Variants in MIR2052HG observed in about 807,000 individuals in gnomAD.
MIR2052HG encodes MIR2052 host gene.
chr8:74,646,345 G>C (rs1808689792), intron 2 of MIR2052HG, among the ~76,000 whole-genome samples: 1 of 152,158 alleles, frequency 6.6e-6, no homozygotes, highest in African/African-American at 2.4e-5. Context: ...TATGAAAGTA[G>C]AGAAAACAGG....
chr8:74,645,307 C>T (rs1292968995), intron 2 of MIR2052HG, among the ~76,000 whole-genome samples: 2 of 148,762 alleles, frequency 1.3e-5, no homozygotes, highest in Non-Finnish European at 3.0e-5. Flanking sequence ...TTTTTTGAGA[C>T]GGAGTTTTGC....
chr8:74,622,423 G>A (rs986624125), intron 2 of MIR2052HG, among the ~76,000 whole-genome samples: 1 of 152,096 alleles, frequency 6.6e-6, no homozygotes, highest in Non-Finnish European at 1.5e-5. Flanking sequence ...GGCCAACATG[G>A]CAAAACCCTG....
chr8:74,708,915 T>C (rs537395655), intron 4 of MIR2052HG, among the ~76,000 whole-genome samples: 15 of 152,162 alleles, frequency 9.9e-5, no homozygotes, highest in African/African-American at 3.6e-4. Flanking sequence ...AGATAGAAAA[T>C]GAGTCCCGCT....
intron 2 of MIR2052HG, among the ~76,000 whole-genome samples, chr8:74,690,368 A>C (rs1346546971): frequency 3.9e-5 from 6 of 152,220 alleles, no homozygotes; most frequent in African/African-American, 1.4e-4. Context: ...TTGAGGAAAC[A>C]GTGTGAGCTA....
At chr8:74,746,818 G>GT (rs1809892605) in intron 4 of MIR2052HG, among the ~76,000 whole-genome samples, 2 of 152,026 alleles carry the variant, frequency 1.3e-5, no homozygotes, top group Non-Finnish European at 2.9e-5. Context: ...ATTGAAAAAG[G>GT]TAACAGTATG....
chr8:74,679,788 C>G (rs1300221688), intron 2 of MIR2052HG, among the ~76,000 whole-genome samples: 1 of 151,928 alleles, frequency 6.6e-6, no homozygotes, highest in African/African-American at 2.4e-5. Context: ...GTGATCCACC[C>G]ATCTTGGCCT....
intron 2 of MIR2052HG, among the ~76,000 whole-genome samples, chr8:74,672,368 A>G (rs1427619220): frequency 1.3e-5 from 2 of 152,076 alleles, no homozygotes; most frequent in Non-Finnish European, 2.9e-5. Context: ...GGTGAATCAT[A>G]GCATAATATT....
intron 1 of MIR2052HG, chr8:74,603,490 A>G: frequency 1.3e-6 from 2 of 1,589,234 alleles, no homozygotes; most frequent in South Asian, 1.1e-5. Flanking sequence ...TATGCAGCCA[A>G]TCAAATCGTT....
intron 2 of MIR2052HG, among the ~76,000 whole-genome samples, chr8:74,685,451 G>A (rs1382319268): frequency 6.6e-6 from 1 of 152,054 alleles, no homozygotes; most frequent in Admixed American, 6.6e-5. Context: ...TTGGCTTCTT[G>A]TAATTTTCCT....
rs542458635 is a variant in MIR2052HG at position 74,657,070 on chromosome 8, G to A, written n.216+44130G>A. 2.0e-4 allele frequency among the ~76,000 whole-genome samples: 31 copies of A among 152,266 alleles called. 1 individual carries two copies. In the South Asian group the frequency reaches 2.9e-3, roughly 14 times the overall value. ...TGCAAAGATGCAAGTCTGCAAACTC[G>A]TACAAACACTGCAGCATACAGGGAG... On this transcript the variant is annotated intron_variant and non_coding_transcript_variant, in intron 2 of 6. Transcript: ENST00000523442.
intron 4 of MIR2052HG, among the ~76,000 whole-genome samples, chr8:74,708,603 A>G (rs1238452269): frequency 6.6e-6 from 1 of 152,110 alleles, no homozygotes; most frequent in Non-Finnish European, 1.5e-5. Context: ...GTTAAATGAA[A>G]GCATATTTCA....
rs182475600 is a variant in MIR2052HG at position 74,607,185 on chromosome 8, T to C, written n.129-5668T>C. On this transcript the variant is annotated intron_variant and non_coding_transcript_variant, in intron 1 of 6. Coordinates refer to ENST00000523442, the Ensembl canonical transcript of MIR2052HG. ...GAAAGCTGGAGTGGCTATATTAATA[T>C]CAAAGAAAGTAGATTTCAGAACATA... Among the ~76,000 whole-genome samples the C allele has an allele frequency of 1.3e-3, 204 of 151,812 alleles. 1 individual carries two copies. Among genetic ancestry groups the C allele is most frequent in the African/African-American group, 4.8e-3 (198 of 41,436 alleles).
At chr8:74,600,181 CCTT>C (rs1456250758) in intron 1 of MIR2052HG, among the ~76,000 whole-genome samples, 1 of 152,138 alleles carries the variant, frequency 6.6e-6, no homozygotes, top group African/African-American at 2.4e-5. Context: ...CAGAAATCAC[CCTT>C]CTTCTGCGTC....
chr8:74,752,329 C>A, intron 4 of MIR2052HG: 2 of 272,924 alleles, frequency 7.3e-6, no homozygotes, highest in African/African-American at 2.4e-5. Flanking sequence ...GATTAATTTT[C>A]AATTACTAAT....
At chr8:74,648,038 A>C (rs944151286) in intron 2 of MIR2052HG, among the ~76,000 whole-genome samples, 1 of 152,192 alleles carries the variant, frequency 6.6e-6, no homozygotes, top group African/African-American at 2.4e-5. Context: ...ACAGAATAAC[A>C]ATGATTTTCA....
intron 2 of MIR2052HG, among the ~76,000 whole-genome samples, chr8:74,629,374 GA>G (rs1249729912): frequency 6.6e-6 from 1 of 152,008 alleles, no homozygotes; most frequent in Non-Finnish European, 1.5e-5. Flanking sequence ...AACAAGCAGA[GA>G]GGGGCACTTA....
intron 2 of MIR2052HG, among the ~76,000 whole-genome samples, chr8:74,646,477 A>G (rs1392842734): frequency 6.6e-6 from 1 of 152,218 alleles, no homozygotes; most frequent in East Asian, 1.9e-4. Flanking sequence ...ACTGGATAGT[A>G]GTGACATTGA....
At chr8:74,610,441 TA>T (rs1808178613) in intron 1 of MIR2052HG, among the ~76,000 whole-genome samples, 1 of 151,948 alleles carries the variant, frequency 6.6e-6, no homozygotes, top group African/African-American at 2.4e-5. Context: ...GTCAAGTATC[TA>T]AATTAATCTA....
chr8:74,635,683 G>A (rs984248935), intron 2 of MIR2052HG, among the ~76,000 whole-genome samples: 3 of 152,138 alleles, frequency 2.0e-5, no homozygotes, highest in Admixed American at 6.5e-5. Context: ...GCTGGATTAC[G>A]CAGCAGGATT....
Sources: allele counts gnomAD v4.1 joint callset (sites outside exome capture counted in the v4.1 genomes callset), GRCh38; gene constraint gnomAD v4.1.1; transcripts MANE v1.5; gene names NCBI Gene and HGNC (gene_info 2026-07-23, HGNC 2026-07-21).